CTNND2: variants seen among roughly 807,000 people sequenced by gnomAD.
CTNND2 encodes the protein catenin delta 2.
A neutral mutation model predicts 144.4 loss-of-function variants in CTNND2; 22 were observed. The observed-to-expected ratio is 0.15, with a 90% CI of 0.11 to 0.22. The LOEUF (loss-of-function observed/expected upper bound fraction) is 0.22. CTNND2 is among the 10% of genes least tolerant of loss of function. The pLI is 1.00. For synonymous variants in CTNND2, 751 were observed against 695.6 expected, an observed-to-expected ratio of 1.08 and a Z score of -1.25; for missense variants, 1,353 against 1,618.8, an observed-to-expected ratio of 0.84 and a Z score of 2.82.
intron 1 of CTNND2, among the ~76,000 whole-genome samples, chr5:11,849,358 T>C (rs1794906497): frequency 6.6e-6 from 1 of 152,046 alleles, no homozygotes; most frequent in Non-Finnish European, 1.5e-5. Flanking sequence ...GAGATTTGGG[T>C]AGGGACACAG....
chr5:11,814,273 G>A (rs926386881), intron 1 of CTNND2, among the ~76,000 whole-genome samples: 48 of 152,238 alleles, frequency 3.2e-4, no homozygotes, highest in Non-Finnish European at 1.9e-4. Flanking sequence ...TATCTACAGA[G>A]AGCAATCATG....
At chr5:11,814,737 A>G (rs1161338667) in intron 1 of CTNND2, among the ~76,000 whole-genome samples, 4 of 152,254 alleles carry the variant, frequency 2.6e-5, no homozygotes, top group South Asian at 2.1e-4. Flanking sequence ...AATGTTGCCT[A>G]AAGATAAAGA....
chr5:11,735,353 C>A (rs965039494), intron 1 of CTNND2, among the ~76,000 whole-genome samples: 2 of 152,056 alleles, frequency 1.3e-5, no homozygotes, highest in African/African-American at 2.4e-5. Context: ...AGAGTGGAAC[C>A]TATGAATTTC....
intron 1 of CTNND2, among the ~76,000 whole-genome samples, chr5:11,879,368 CACACACAA>C (rs1735853017): frequency 7.5e-5 from 5 of 66,712 alleles, no homozygotes; most frequent in Admixed American, 4.5e-4. Flanking sequence ...CATATACACA[CACACACAA>C]ACATATACAT....
chr5:11,305,312 A>G (rs961598547), intron 9 of CTNND2, among the ~76,000 whole-genome samples: 19 of 152,168 alleles, frequency 1.2e-4, no homozygotes, highest in African/African-American at 4.6e-4. Context: ...GGGCCTCAGC[A>G]TCAGGCTCCC....
At chr5:11,397,614 G>A (rs937139194) in intron 5 of CTNND2, among the ~76,000 whole-genome samples, 13 of 152,290 alleles carry the variant, frequency 8.5e-5, no homozygotes, top group African/African-American at 3.1e-4. Context: ...TGATGGAGAT[G>A]CTAAAACACT....
Position 11,084,990 on chromosome 5 carries a change from T to A in CTNND2, c.2638-2144A>T, listed in dbSNP as rs192616399. Among the ~76,000 whole-genome samples the A allele has an allele frequency of 3.7e-3, 552 of 149,904 alleles. 2 individuals are homozygous for A. The highest frequency in any genetic ancestry group is 5.2e-3 in the Non-Finnish European group (356 of 67,932). On this transcript the variant is annotated intron_variant, in intron 15 of 21. Coordinates refer to ENST00000304623, the MANE Select transcript of CTNND2 (RefSeq NM_001332.4). ...AGATATGACCTAGCCTTTCCCTCCA[T>A]CCTTCCAGACACAGACAGAGGAGAA...
At chr5:11,558,366 G>GTA (rs1776403703) in intron 3 of CTNND2, among the ~76,000 whole-genome samples, 1 of 97,288 alleles carries the variant, frequency 1.0e-5, no homozygotes, top group Non-Finnish European at 2.3e-5. Context: ...GTGTGTGTGT[G>GTA]TGTGTGTGTG....
chr5:11,189,193 T>C (rs1227153346), intron 11 of CTNND2, among the ~76,000 whole-genome samples: 2 of 152,130 alleles, frequency 1.3e-5, no homozygotes, highest in Non-Finnish European at 2.9e-5. Context: ...TTTTCTCCCT[T>C]CCTCCATGTG....
intron 9 of CTNND2, among the ~76,000 whole-genome samples, chr5:11,260,385 C>T (rs1224222603): frequency 6.6e-6 from 1 of 151,788 alleles, no homozygotes; most frequent in Non-Finnish European, 1.5e-5. Flanking sequence ...TATTTACACA[C>T]TAAGAAAAAA....
At chr5:11,879,596 C>A (rs1016382352) in intron 1 of CTNND2, among the ~76,000 whole-genome samples, 2 of 151,812 alleles carry the variant, frequency 1.3e-5, no homozygotes, top group African/African-American at 4.8e-5. Context: ...CTATTCTGTA[C>A]CATTGATAAG....
At chr5:11,430,661 T>C (rs1763214933) in intron 3 of CTNND2, among the ~76,000 whole-genome samples, 1 of 152,190 alleles carries the variant, frequency 6.6e-6, no homozygotes, top group South Asian at 2.1e-4. Context: ...TATTTGGTCA[T>C]CATCTACTGT....
intron 14 of CTNND2, among the ~76,000 whole-genome samples, chr5:11,102,742 G>A (rs1283176232): frequency 1.3e-5 from 2 of 152,084 alleles, no homozygotes; most frequent in African/African-American, 2.4e-5. Context: ...AAGATAGAAG[G>A]TTAAGGGACT....
intron 1 of CTNND2, among the ~76,000 whole-genome samples, chr5:11,755,179 T>C (rs1788864209): frequency 6.6e-6 from 1 of 151,746 alleles, no homozygotes; most frequent in South Asian, 2.1e-4. Context: ...GAAAAGGATC[T>C]CATTTCTTCC....
At chr5:11,452,451 G>C (rs1398450017) in intron 3 of CTNND2, among the ~76,000 whole-genome samples, 1 of 152,298 alleles carries the variant, frequency 6.6e-6, no homozygotes, top group Non-Finnish European at 1.5e-5. Flanking sequence ...CTGATGTCCA[G>C]AGAAGAGCTA....
intron 2 of CTNND2, among the ~76,000 whole-genome samples, chr5:11,718,185 T>C (rs1165959994): frequency 6.6e-6 from 1 of 152,192 alleles, no homozygotes; most frequent in Non-Finnish European, 1.5e-5. Context: ...CGACAGGCCC[T>C]TTCCATTGAA....
rs374648467 is a variant in CTNND2 at position 11,066,862 on chromosome 5, A to C, written c.2788+15834T>G. Among the ~76,000 whole-genome samples the C allele has an allele frequency of 1.4e-4, 21 of 152,296 alleles. 1 individual carries two copies. The East Asian group carries it at 4.1e-3, about 29-fold the overall frequency. ...TAGGAATATTCAAGGCAGACCAGAG[A>C]ATTACTCCTTGGGTCTCCCACTGTC... On this transcript the variant is annotated intron_variant, in intron 16 of 21. Coordinates refer to ENST00000304623, the MANE Select transcript of CTNND2 (RefSeq NM_001332.4).
intron 2 of CTNND2, among the ~76,000 whole-genome samples, chr5:11,625,608 G>T (rs986597831): frequency 6.6e-6 from 1 of 152,092 alleles, no homozygotes; most frequent in Admixed American, 6.6e-5. Flanking sequence ...TGGATATACA[G>T]TATTGCAATT....
chr5:11,185,898 G>A (rs1477307448), intron 11 of CTNND2, among the ~76,000 whole-genome samples: 2 of 152,162 alleles, frequency 1.3e-5, no homozygotes, highest in Non-Finnish European at 2.9e-5. Context: ...AGCAAATAGA[G>A]CAAACTCTCA....
Sources: gnomAD v4.1 joint callset for allele counts (sites outside exome capture counted in the v4.1 genomes callset) on GRCh38, gnomAD v4.1.1 for gene constraint, MANE v1.5 for transcripts, NCBI Gene and HGNC (gene_info 2026-07-23, HGNC 2026-07-21) for gene names.